LRCH3: variants seen among roughly 807,000 people sequenced by gnomAD.
LRCH3 encodes leucine rich repeats and calponin homology domain containing 3.
Under a neutral mutation model 104.5 loss-of-function variants are expected in LRCH3, and 68 were observed. The observed-to-expected ratio is 0.65, with a 90% CI of 0.54 to 0.80. The LOEUF (loss-of-function observed/expected upper bound fraction) is 0.80. Ranked by LOEUF, LRCH3 falls within the 30% of genes least tolerant of loss-of-function variation. The pLI is 0.00. For synonymous variants in LRCH3, 344 were observed against 361.3 expected, an observed-to-expected ratio of 0.95 and a Z score of 0.54; for missense variants, 951 against 953.9, an observed-to-expected ratio of 1.00 and a Z score of 0.04.
rs146761360 is a variant in LRCH3, at chr3:197,791,401, C to T, written c.123C>T (p.Gly41=). The change falls in exon 1 of 21, where the codon GGC becomes GGT. Residue 41 remains glycine (G), a synonymous_variant. Transcript: ENST00000425562. The part of the protein sequence containing the change: ...GPSSGAGPGF[G]PGSWSRSLDR... The stretch of plus-strand genomic sequence containing the variant: ...GCTCCGGGGCAGGCCCTGGTTTTGG[C>T]CCGGGCTCGTGGAGCCGCTCTCTCG... 5.5e-5 allele frequency: 88 copies of T among 1,592,700 alleles called. No homozygotes were observed. In the African/African-American group the frequency reaches 1.1e-3, roughly 20 times the overall value.
intron 4 of LRCH3, chr3:197,823,068 C>T (rs1339436077): frequency 6.6e-6 from 1 of 151,030 alleles, no homozygotes; most frequent in Non-Finnish European, 1.5e-5. Flanking sequence ...TGGCTCACTG[C>T]AACCTCTGCC....
At position 197,830,758 on chromosome 3, in the gene LRCH3, TC is replaced by T; in HGVS notation, c.888-11del. 6.2e-7 allele frequency: 1 copy of T among 1,605,290 alleles called. No individual in the cohort carries two copies. The highest frequency in any genetic ancestry group is 8.5e-7 in the Non-Finnish European group (1 of 1,173,894). On this transcript the variant is annotated splice_polypyrimidine_tract_variant and intron_variant, in intron 6 of 20. Transcript: ENST00000425562. ...TAACAAACTTTGCAGTAACAGAGTC[TC>T]TTTTCGGCAGCCATGAAGAACTGTA... is the stretch of plus-strand genomic sequence containing the variant.
rs151122668 is a variant in LRCH3 at position 197,858,814 on chromosome 3, C to G, written c.1645-20C>G. On this transcript the variant is annotated intron_variant, in intron 14 of 20. Coordinates refer to ENST00000425562, the MANE Select transcript of LRCH3 (RefSeq NM_001365715.1). ...ATAAATGCTGCCTTCTGTTTCTTCT[C>G]TTTCTCATTTGAAATGTAGTCGCTG... 7.9e-3 allele frequency: 12,650 copies of G among 1,605,894 alleles called. 62 individuals are homozygous for G. The highest frequency in any genetic ancestry group is 9.5e-3 in the Non-Finnish European group (11,162 of 1,172,492).
At chr3:197,829,239 G>A (rs891600366) in intron 5 of LRCH3, among the ~76,000 whole-genome samples, 11 of 152,170 alleles carry the variant, frequency 7.2e-5, no homozygotes, top group African/African-American at 2.7e-4. Flanking sequence ...GTAATCTAAT[G>A]AGGAGAAATG....
intron 1 of LRCH3, among the ~76,000 whole-genome samples, chr3:197,798,822 T>C (rs912698733): frequency 1.6e-4 from 24 of 152,236 alleles, no homozygotes; most frequent in Non-Finnish European, 3.5e-4. Context: ...CAACTAGCCG[T>C]AAGTGGTTAT....
At chr3:197,873,453 C>T (rs151270566) in intron 19 of LRCH3, among the ~76,000 whole-genome samples, 8 of 152,186 alleles carry the variant, frequency 5.3e-5, no homozygotes, top group African/African-American at 1.7e-4. Context: ...GAGGGAGTGT[C>T]GTGTGGTTCA....
chr3:197,880,923 G>T, intron 20 of LRCH3: 1 of 1,414,516 alleles, frequency 7.1e-7, no homozygotes, highest in Non-Finnish European at 9.2e-7. Context: ...AAGAGTAAAA[G>T]ACCAGCATTT....
chr3:197,854,532 C>T lies in LRCH3; in HGVS notation c.1644+87C>T. On this transcript the variant is annotated intron_variant, in intron 14 of 20. Coordinates refer to ENST00000425562, the MANE Select transcript of LRCH3 (RefSeq NM_001365715.1). This position sits in a 1 kb window ranked among gnomAD's most constrained non-coding sequence, Gnocchi z 4.5. The stretch of plus-strand genomic sequence containing the variant: ...CAGAAACTATCTAAATACCATAAAA[C>T]ATGATGAACATCATTACTAAATGCT... 1 of 1,192,458 alleles carries T rather than the reference C, an allele frequency of 8.4e-7. No individual in the cohort carries two copies. Among genetic ancestry groups the T allele is most frequent in the East Asian group, 2.3e-5 (1 of 42,700 alleles). 73.9% of individuals were successfully genotyped at this position (1,192,458 alleles called of 1,614,324 possible).
chr3:197,829,616 G>T lies in LRCH3; in HGVS notation c.830G>T (p.Cys277Phe). ...HIFKYLNIQACKIAPDLPDYD... is the reference protein window; with the variant it reads ...HIFKYLNIQAFKIAPDLPDYD... Reference sequence around the variant, plus strand: ...TTTAAATACCTGAACATACAAGCTTGTAAGATTGCTCCAGATCTGCCGGAT... The same window carrying T: ...TTTAAATACCTGAACATACAAGCTTTTAAGATTGCTCCAGATCTGCCGGAT... The change falls in exon 6 of 21, where the codon TGT becomes TTT. Residue 277 changes from cysteine (C) to phenylalanine (F), a missense_variant. Coordinates refer to ENST00000425562, the MANE Select transcript of LRCH3 (RefSeq NM_001365715.1). 1.2e-6 allele frequency: 2 copies of T among 1,613,580 alleles called. No homozygotes were observed. Among genetic ancestry groups the T allele is most frequent in the Admixed American group, 1.7e-5 (1 of 59,840 alleles).
At chr3:197,793,226 G>C (rs1457636661) in intron 1 of LRCH3, among the ~76,000 whole-genome samples, 1 of 152,144 alleles carries the variant, frequency 6.6e-6, no homozygotes, top group Non-Finnish European at 1.5e-5. Context: ...CTAAAGAAGC[G>C]ATTCTTTCCA....
intron 15 of LRCH3, among the ~76,000 whole-genome samples, chr3:197,863,060 G>A (rs1452594388): frequency 6.6e-6 from 1 of 152,078 alleles, no homozygotes; most frequent in Non-Finnish European, 1.5e-5. Context: ...ACTGTAAGTA[G>A]CGATGTAAGA....
intron 10 of LRCH3, among the ~76,000 whole-genome samples, 184 bp downstream of exon 10, chr3:197,839,581 T>C (rs756829725): frequency 1.1e-4 from 16 of 152,168 alleles, no homozygotes; most frequent in Non-Finnish European, 2.2e-4. Flanking sequence ...GATTCTAAAT[T>C]GAGACCATCT....
chr3:197,833,621 GA>G (rs970397040), intron 8 of LRCH3, among the ~76,000 whole-genome samples: 1 of 151,890 alleles, frequency 6.6e-6, no homozygotes, highest in African/African-American at 2.4e-5. Flanking sequence ...GACTTCCTTT[GA>G]AAAAAAGCGT....
chr3:197,864,520 G>T (rs2109483814), intron 15 of LRCH3, among the ~76,000 whole-genome samples: 1 of 147,970 alleles, frequency 6.8e-6, no homozygotes, highest in South Asian at 2.1e-4. Context: ...TGAGGCAGGA[G>T]AATTGCTTGA....
intron 11 of LRCH3, 174 bp from the exon 12 acceptor site, chr3:197,847,698 T>C (rs1738952309): frequency 4.0e-6 from 3 of 742,654 alleles, no homozygotes; most frequent in African/African-American, 1.8e-5. Context: ...CTAATACATA[T>C]AAGAACCGTG....
chr3:197,801,604 A>G (rs1237299504), intron 1 of LRCH3, among the ~76,000 whole-genome samples: 5 of 151,966 alleles, frequency 3.3e-5, no homozygotes, highest in Admixed American at 3.3e-4. Flanking sequence ...CCTCCTCCCC[A>G]GTTAGGCACT....
chr3:197,865,481 A>G lies in LRCH3; in HGVS notation c.1765+10A>G, dbSNP rs747863331. ...CCTGCAACAGAAACAGGTAATAGAC[A>G]CAAAGGTGCAATTAACCACATCAAG... On this transcript the variant is annotated intron_variant, in intron 16 of 20. Coordinates refer to ENST00000425562, the MANE Select transcript of LRCH3 (RefSeq NM_001365715.1). 6.0e-6 allele frequency: 9 copies of G among 1,498,656 alleles called. No individual in the cohort carries two copies. The South Asian group carries it at 1.2e-4, about 19-fold the overall frequency. The allele number at this position is 1,498,656 out of a possible 1,614,324, so 92.8% of individuals were successfully genotyped here.
chr3:197,860,598 C>T (rs1740760290), intron 15 of LRCH3, among the ~76,000 whole-genome samples: 1 of 143,200 alleles, frequency 7.0e-6, no homozygotes, highest in Admixed American at 6.9e-5. Flanking sequence ...GTATCATGTC[C>T]TTTTTTTTTT....
intron 2 of LRCH3, 22 bp from the exon 3 acceptor site, chr3:197,817,154 C>G: frequency 1.3e-6 from 2 of 1,581,276 alleles, no homozygotes; most frequent in African/African-American, 1.4e-5. Flanking sequence ...TGATTCTTCT[C>G]TCTTTCTACT....
Sources: gnomAD v4.1 joint callset for allele counts (sites outside exome capture counted in the v4.1 genomes callset) on GRCh38, gnomAD v4.1.1 for gene constraint, Gnocchi (gnomAD v3.1) non-coding constraint, MANE v1.5 for transcripts, NCBI Gene and HGNC (gene_info 2026-07-23, HGNC 2026-07-21) for gene names.